Variants in CNBD1 observed in about 807,000 individuals in gnomAD.
CNBD1 encodes the protein cyclic nucleotide binding domain containing 1.
Under a neutral mutation model 54.4 loss-of-function variants are expected in CNBD1, and 71 were observed. That is an observed-to-expected ratio of 1.30 (90% CI 1.08 to 1.59). The LOEUF is 1.59. Among genes scored for constraint, CNBD1 ranks in the 40% most tolerant of loss-of-function variants. The pLI is 0.00. For missense variants in CNBD1, 659 were observed against 518.0 expected, an observed-to-expected ratio of 1.27 and a Z score of -2.64; for synonymous variants, 182 against 170.7, an observed-to-expected ratio of 1.07 and a Z score of -0.51.
At chr8:87,134,906 G>C (rs968059215) in intron 4 of CNBD1, among the ~76,000 whole-genome samples, 2 of 151,992 alleles carry the variant, frequency 1.3e-5, no homozygotes, top group Admixed American at 1.3e-4. Context: ...ACCACGCCCA[G>C]CCAGATTCCA....
intron 4 of CNBD1, among the ~76,000 whole-genome samples, chr8:87,015,467 G>C (rs1361124204): frequency 1.3e-5 from 2 of 152,050 alleles, no homozygotes; most frequent in African/African-American, 4.8e-5. Context: ...TTACAGGCGT[G>C]ATCCATCATG....
chr8:87,029,153 A>G (rs886247642), intron 4 of CNBD1, among the ~76,000 whole-genome samples: 9 of 152,236 alleles, frequency 5.9e-5, no homozygotes, highest in Non-Finnish European at 1.0e-4. Context: ...AATTGTTTCC[A>G]TGATAATGTG....
At chr8:87,221,729 A>G (rs1342049988) in intron 5 of CNBD1, among the ~76,000 whole-genome samples, 1 of 152,118 alleles carries the variant, frequency 6.6e-6, no homozygotes, top group Non-Finnish European at 1.5e-5. Flanking sequence ...AGAGAGTATC[A>G]ATATTTGAAG....
At chr8:87,329,102 A>T (rs915034061) in intron 8 of CNBD1, among the ~76,000 whole-genome samples, 1 of 151,878 alleles carries the variant, frequency 6.6e-6, no homozygotes, top group Non-Finnish European at 1.5e-5. Context: ...TTTTTGTGAA[A>T]AGTATATGGT....
intron 6 of CNBD1, among the ~76,000 whole-genome samples, chr8:87,278,494 C>T (rs1429037827): frequency 6.6e-6 from 1 of 151,516 alleles, no homozygotes; most frequent in Non-Finnish European, 1.5e-5. Flanking sequence ...TGCCAGAGAA[C>T]AATAACATAT....
At chr8:87,333,287 GT>G (rs1809873359) in intron 8 of CNBD1, among the ~76,000 whole-genome samples, 1 of 152,048 alleles carries the variant, frequency 6.6e-6, no homozygotes, top group Non-Finnish European at 1.5e-5. Context: ...GACAATGGAT[GT>G]TTTTCTAAAT....
intron 8 of CNBD1, among the ~76,000 whole-genome samples, chr8:87,312,236 C>T (rs1809283138): frequency 6.6e-6 from 1 of 152,074 alleles, no homozygotes; most frequent in Non-Finnish European, 1.5e-5. Context: ...TTGACATAAT[C>T]TATTTTTAAC....
chr8:87,394,184 A>G (rs1811368361), intron 2 of CNBD1, among the ~76,000 whole-genome samples: 1 of 151,920 alleles, frequency 6.6e-6, no homozygotes, highest in African/African-American at 2.4e-5. Context: ...ATTTAAAATC[A>G]GAATTGCCTT....
At chr8:86,938,072 G>A (rs902376041) in intron 3 of CNBD1, among the ~76,000 whole-genome samples, 1 of 152,132 alleles carries the variant, frequency 6.6e-6, no homozygotes, top group Non-Finnish European at 1.5e-5. Flanking sequence ...AATTTCTTCT[G>A]CTAGATACTC....
Position 87,413,995 on chromosome 8 carries a change from C to A in CNBD1, c.214-14551C>A, listed in dbSNP as rs1231565506. On this transcript the variant is annotated intron_variant, in intron 2 of 7. Transcript: ENST00000521593. Reference sequence around the variant, plus strand: ...CTCAGGGATCTAGAGCTAGAAATACCATTTGACCCAGCCATCCCATTACTG... The same window carrying A: ...CTCAGGGATCTAGAGCTAGAAATACAATTTGACCCAGCCATCCCATTACTG... Among the ~76,000 whole-genome samples the A allele has an allele frequency of 2.0e-5, 3 of 152,038 alleles. No homozygotes were observed. The East Asian group carries it at 5.8e-4, about 29-fold the overall frequency.
intron 4 of CNBD1, among the ~76,000 whole-genome samples, chr8:87,054,094 T>A (rs1810366230): frequency 6.6e-6 from 1 of 152,244 alleles, no homozygotes; most frequent in South Asian, 2.1e-4. Flanking sequence ...TGGAGCCAGA[T>A]GTCTGATAGA....
At chr8:87,354,406 T>A (rs116633712) in intron 10 of CNBD1, among the ~76,000 whole-genome samples, 2,153 of 152,186 alleles carry the variant, frequency 0.014, 25 homozygotes, top group African/African-American at 0.034. Flanking sequence ...TCTTTTTTTT[T>A]AATTTTATTA....
At chr8:87,309,886 T>G (rs10109215) in intron 8 of CNBD1, among the ~76,000 whole-genome samples, 58,537 of 151,934 alleles carry the variant, frequency 0.39, 11,543 homozygotes, top group Middle Eastern at 0.46. Context: ...AGGAAAAGAA[T>G]AAGTCAAACT....
At chr8:87,333,815 G>C (rs900107849) in intron 8 of CNBD1, among the ~76,000 whole-genome samples, 1 of 152,168 alleles carries the variant, frequency 6.6e-6, no homozygotes, top group East Asian at 1.9e-4. Context: ...CAGGGATATT[G>C]GCCTGAAGTT....
intron 4 of CNBD1, among the ~76,000 whole-genome samples, chr8:86,941,390 A>G (rs1318436003): frequency 6.6e-6 from 1 of 152,244 alleles, no homozygotes; most frequent in East Asian, 1.9e-4. Context: ...AATCACTTTA[A>G]TTCCATTAAA....
chr8:87,111,483 C>T (rs1586263930), intron 4 of CNBD1, among the ~76,000 whole-genome samples: 4 of 152,276 alleles, frequency 2.6e-5, no homozygotes, highest in Middle Eastern at 3.4e-3. Flanking sequence ...GTTGCACAGC[C>T]TCTTTGGAGA....
chr8:87,299,142 G>A (rs992757412), intron 8 of CNBD1, among the ~76,000 whole-genome samples: 1 of 152,120 alleles, frequency 6.6e-6, no homozygotes, highest in Non-Finnish European at 1.5e-5. Context: ...AGAGTATCAC[G>A]ACACCAGTCA....
At chr8:86,962,441 G>A (rs6996849) in intron 4 of CNBD1, among the ~76,000 whole-genome samples, 68,067 of 151,880 alleles carry the variant, frequency 0.45, 16,353 homozygotes, top group East Asian at 0.57. Flanking sequence ...TCTTGGAGGG[G>A]CAGAGAATAC....
At chr8:86,920,881 A>AT (rs35442533) in intron 3 of CNBD1, among the ~76,000 whole-genome samples, 71,866 of 151,286 alleles carry the variant, frequency 0.48, 17,794 homozygotes, top group South Asian at 0.6. Flanking sequence ...TGTAATACTC[A>AT]TTTTTTTTTC....
Sources: allele counts gnomAD v4.1 joint callset (sites outside exome capture counted in the v4.1 genomes callset), GRCh38; gene constraint gnomAD v4.1.1; transcripts MANE v1.5; gene names NCBI Gene and HGNC (gene_info 2026-07-23, HGNC 2026-07-21).